Variants in CDH4 observed in about 807,000 individuals in gnomAD.
CDH4 encodes cadherin-4.
Under a neutral mutation model 86.0 loss-of-function variants are expected in CDH4, and 33 were observed. The observed-to-expected ratio is 0.38, with a 90% CI of 0.29 to 0.51. The LOEUF is 0.51. Ranked by LOEUF, CDH4 falls within the 20% of genes least tolerant of loss-of-function variation. The pLI is 0.86. For missense variants in CDH4, 1,114 were observed against 1,307.4 expected, an observed-to-expected ratio of 0.85 and a Z score of 2.28; for synonymous variants, 555 against 549.4, an observed-to-expected ratio of 1.01 and a Z score of -0.14.
At chr20:61,432,012 A>G in intron 2 of CDH4, among the ~76,000 whole-genome samples, 1 of 152,160 alleles carries the variant, frequency 6.6e-6, no homozygotes, top group East Asian at 1.9e-4. Context: ...CACTCCAGTT[A>G]TGGAGCACAC....
At chr20:61,315,487 G>A (rs949839719) in intron 2 of CDH4, among the ~76,000 whole-genome samples, 5 of 152,092 alleles carry the variant, frequency 3.3e-5, no homozygotes, top group South Asian at 4.1e-4. Flanking sequence ...GCCCGGCTTC[G>A]GTGTAGCCAG....
At chr20:61,482,508 G>C (rs989202333) in intron 2 of CDH4, among the ~76,000 whole-genome samples, 2 of 152,186 alleles carry the variant, frequency 1.3e-5, no homozygotes, top group Non-Finnish European at 2.9e-5. Context: ...CTGTGCAGCA[G>C]GTTGGCCCTC....
intron 2 of CDH4, among the ~76,000 whole-genome samples, chr20:61,368,479 G>C (rs901521398): frequency 6.6e-6 from 1 of 152,114 alleles, no homozygotes; most frequent in Non-Finnish European, 1.5e-5. Flanking sequence ...CTTGATCTTG[G>C]ACTTCCCAGC....
intron 2 of CDH4, among the ~76,000 whole-genome samples, chr20:61,552,819 C>A (rs559218659): frequency 6.6e-6 from 1 of 152,030 alleles, no homozygotes; most frequent in East Asian, 1.9e-4. Context: ...CATTGGAACC[C>A]TCATGCATTA....
chr20:61,634,878 A>G (rs2086930866), intron 2 of CDH4, among the ~76,000 whole-genome samples: 2 of 152,186 alleles, frequency 1.3e-5, no homozygotes, highest in South Asian at 2.1e-4. Context: ...TGACTGCACT[A>G]TGCTCACATA....
chr20:61,319,143 A>G (rs1328167549), intron 2 of CDH4, among the ~76,000 whole-genome samples: 1 of 152,040 alleles, frequency 6.6e-6, no homozygotes, highest in Non-Finnish European at 1.5e-5. Flanking sequence ...TAGTATTACA[A>G]TAAGCATAAT....
intron 2 of CDH4, among the ~76,000 whole-genome samples, chr20:61,584,169 T>C (rs2086452734): frequency 6.6e-6 from 1 of 152,148 alleles, no homozygotes; most frequent in Admixed American, 6.6e-5. Flanking sequence ...TAAAAATATA[T>C]GTGCGTCAGT....
intron 2 of CDH4, among the ~76,000 whole-genome samples, chr20:61,541,855 C>G (rs1396679913): frequency 1.3e-5 from 2 of 152,158 alleles, no homozygotes; most frequent in Non-Finnish European, 2.9e-5. Flanking sequence ...GTGTGTGACC[C>G]TTGCTACTTT....
rs1040150191 is a variant in CDH4 at position 61,452,459 on chromosome 20, C to T, written c.169+197522C>T. 3.3e-5 allele frequency among the ~76,000 whole-genome samples: 5 copies of T among 152,120 alleles called. No individual in the cohort carries two copies. The South Asian group carries it at 8.3e-4, about 25-fold the overall frequency. On this transcript the variant is annotated intron_variant, in intron 2 of 15. Coordinates refer to ENST00000614565, the MANE Select transcript of CDH4 (RefSeq NM_001794.5). ...GCGTTCAGACTCTGCAGAATAGCCA[C>T]GTTTTCGATATTTATCAAATGCAGC...
chr20:61,551,452 C>A (rs935829564), intron 2 of CDH4, among the ~76,000 whole-genome samples: 4 of 152,164 alleles, frequency 2.6e-5, no homozygotes, highest in Non-Finnish European at 4.4e-5. Context: ...AGGAACAGAA[C>A]CTCCCCAGCA....
chr20:61,680,758 C>T (rs539469835), intron 2 of CDH4, among the ~76,000 whole-genome samples: 2 of 152,312 alleles, frequency 1.3e-5, no homozygotes, highest in South Asian at 4.1e-4. Context: ...AGAATTCCGT[C>T]TCCCCGGGAT....
rs116776716 is a variant in CDH4 at position 61,744,612 on chromosome 20, C to G, written c.396+823C>G. 1.9e-3 allele frequency among the ~76,000 whole-genome samples: 286 copies of G among 150,492 alleles called. 3 individuals carry two copies. The highest frequency in any genetic ancestry group is 6.6e-3 in the African/African-American group (270 of 41,200). ...GGGAGAGAGAGAGACAGACAGACAG[C>G]TTCACACAGACATAAAACATCTGCT... On this transcript the variant is annotated intron_variant, in intron 3 of 15. Coordinates refer to ENST00000614565, the MANE Select transcript of CDH4 (RefSeq NM_001794.5).
chr20:61,637,346 G>A (rs1048006879), intron 2 of CDH4, among the ~76,000 whole-genome samples: 1 of 152,166 alleles, frequency 6.6e-6, no homozygotes, highest in Non-Finnish European at 1.5e-5. Flanking sequence ...CCTACCCGCA[G>A]CCCTGAGGCT....
At chr20:61,932,901 G>A in intron 13 of CDH4, 84 bp from the exon 14 acceptor site, 2 of 1,536,054 alleles carry the variant, frequency 1.3e-6, no homozygotes, top group Non-Finnish European at 1.8e-6. Context: ...GCATGTACAT[G>A]CCCACATAGA....
At chr20:61,384,070 T>C (rs569507189) in intron 2 of CDH4, among the ~76,000 whole-genome samples, 39 of 152,070 alleles carry the variant, frequency 2.6e-4, no homozygotes, top group African/African-American at 9.2e-4. Flanking sequence ...GGCCAGTCTC[T>C]CTCTTCACAT....
At position 61,717,338 on chromosome 20, in the gene CDH4, C is replaced by G. The variant is rs546081075; in HGVS notation, c.170-26225C>G. 7.5e-4 allele frequency among the ~76,000 whole-genome samples: 115 copies of G among 152,334 alleles called. 1 individual carries two copies. The highest frequency in any genetic ancestry group is 2.5e-3 in the African/African-American group (106 of 41,576). ...GAGAGTGGCCCAGTACTGGGCAGGACCAGCCACAGACGCTGCTGCTCTCTG... is the reference window on the plus strand; with the variant it reads ...GAGAGTGGCCCAGTACTGGGCAGGAGCAGCCACAGACGCTGCTGCTCTCTG... On this transcript the variant is annotated intron_variant, in intron 2 of 15. Coordinates refer to ENST00000614565, the MANE Select transcript of CDH4 (RefSeq NM_001794.5).
At chr20:61,257,164 C>T (rs908312006) in intron 2 of CDH4, among the ~76,000 whole-genome samples, 2 of 152,210 alleles carry the variant, frequency 1.3e-5, no homozygotes, top group African/African-American at 4.8e-5. Context: ...TGAAGCTTCA[C>T]AGAGTGGCCA....
chr20:61,407,578 A>G lies in CDH4; in HGVS notation c.169+152641A>G, dbSNP rs753316179. The stretch of plus-strand genomic sequence containing the variant: ...AGTAAAGTGACACACAAACTTCCCT[A>G]TGAAATTGCTCCAGAAATTATACTC... On this transcript the variant is annotated intron_variant, in intron 2 of 15. Coordinates refer to ENST00000614565, the MANE Select transcript of CDH4 (RefSeq NM_001794.5). 3.3e-5 allele frequency among the ~76,000 whole-genome samples: 5 copies of G among 152,230 alleles called. No individual in the cohort carries two copies. The East Asian group carries it at 9.6e-4, about 29-fold the overall frequency.
chr20:61,903,048 A>C lies in CDH4; in HGVS notation c.1189-7374A>C, dbSNP rs1399183976. On this transcript the variant is annotated intron_variant, in intron 8 of 15. Transcript: ENST00000614565. The stretch of plus-strand genomic sequence containing the variant: ...AAAAAAAAAAAAAAAAAAGACACAC[A>C]GTATTAGCATTGAATTAAAAAACTA... Among the ~76,000 whole-genome samples the C allele has an allele frequency of 3.3e-5, 5 of 151,286 alleles. No homozygotes were observed. The East Asian group carries it at 5.8e-4, about 18-fold the overall frequency.
Sources: gnomAD v4.1 joint callset for allele counts (sites outside exome capture counted in the v4.1 genomes callset) on GRCh38, gnomAD v4.1.1 for gene constraint, MANE v1.5 for transcripts, NCBI Gene and HGNC (gene_info 2026-07-23, HGNC 2026-07-21) for gene names.